WDR7: variants seen among roughly 807,000 people sequenced by gnomAD.
WDR7 encodes the protein WD repeat domain 7.
A neutral mutation model predicts 169.4 loss-of-function variants in WDR7; 46 were observed. The observed-to-expected ratio is 0.27, with a 90% CI of 0.21 to 0.35. WDR7 has a LOEUF of 0.35. WDR7 is among the 10% of genes least tolerant of loss of function. The pLI is 1.00. For synonymous variants in WDR7, 612 were observed against 666.8 expected, an observed-to-expected ratio of 0.92 and a Z score of 1.27; for missense variants, 1,534 against 1,859.3, an observed-to-expected ratio of 0.83 and a Z score of 3.22.
chr18:56,918,112 T>C (rs1202440153), intron 21 of WDR7, among the ~76,000 whole-genome samples: 1 of 152,188 alleles, frequency 6.6e-6, no homozygotes, highest in Non-Finnish European at 1.5e-5. Flanking sequence ...TATTTGTACA[T>C]TTGGCCTGAC....
intron 26 of WDR7, among the ~76,000 whole-genome samples, chr18:56,965,485 C>T (rs1423827870): frequency 6.7e-6 from 1 of 148,976 alleles, no homozygotes; most frequent in Non-Finnish European, 1.5e-5. Flanking sequence ...TATTCCCAAA[C>T]AGATTATGCA....
intron 25 of WDR7, among the ~76,000 whole-genome samples, chr18:56,940,103 G>A (rs548255975): frequency 1.3e-5 from 2 of 152,122 alleles, no homozygotes; most frequent in African/African-American, 2.4e-5. Context: ...TAATCTCCAT[G>A]CGGTCGTTAG....
At chr18:56,987,285 CAAAAAAAAAA>C (rs74182165) in intron 26 of WDR7, among the ~76,000 whole-genome samples, 2,586 of 75,274 alleles carry the variant, frequency 0.034, 102 homozygotes, top group African/African-American at 0.11. Context: ...TCATCTGTAC[CAAAAAAAAAA>C]AAAAAAAAAA....
chr18:56,877,585 G>A (rs1275131790), intron 20 of WDR7, among the ~76,000 whole-genome samples: 1 of 152,120 alleles, frequency 6.6e-6, no homozygotes, highest in Non-Finnish European at 1.5e-5. Flanking sequence ...TATGGACATG[G>A]ATATAAAAAA....
intron 20 of WDR7, among the ~76,000 whole-genome samples, chr18:56,859,022 T>C (rs1488018853): frequency 6.6e-6 from 1 of 152,142 alleles, no homozygotes; most frequent in African/African-American, 2.4e-5. Context: ...CAGGATAGGA[T>C]TCAACTTCTG....
chr18:56,987,992 A>G (rs1308601229), intron 26 of WDR7, among the ~76,000 whole-genome samples: 1 of 152,218 alleles, frequency 6.6e-6, no homozygotes, highest in Non-Finnish European at 1.5e-5. Flanking sequence ...AATGTAATTC[A>G]AATAATCTGG....
chr18:56,755,866 T>A lies in WDR7; in HGVS notation c.1990-717T>A, dbSNP rs572721644. ...AGAGGTGGCTTCTTATTCTTTCTTT[T>A]AGTTCTTTCTTTGTCTCTTTATTTT... On this transcript the variant is annotated intron_variant, in intron 14 of 27. Coordinates refer to ENST00000254442, the MANE Select transcript of WDR7 (RefSeq NM_015285.3). 7.9e-5 allele frequency among the ~76,000 whole-genome samples: 12 copies of A among 152,306 alleles called. No individual in the cohort carries two copies. In the South Asian group the frequency reaches 2.5e-3, roughly 32 times the overall value.
At chr18:56,809,052 C>T (rs2044824397) in intron 19 of WDR7, among the ~76,000 whole-genome samples, 2 of 152,076 alleles carry the variant, frequency 1.3e-5, no homozygotes. Context: ...CTTACTCATA[C>T]CAGCTTGCTG....
chr18:56,756,544 C>T lies in WDR7; in HGVS notation c.1990-39C>T, dbSNP rs776868908. 5.5e-6 allele frequency: 8 copies of T among 1,460,314 alleles called. No individual in the cohort carries two copies. The South Asian group carries it at 1.1e-4, about 20-fold the overall frequency. The allele number at this position is 1,460,314 out of a possible 1,614,324, so 90.5% of individuals were successfully genotyped here. A position where few individuals can be genotyped will look rare whatever the true frequency, so the allele number is the denominator to read the frequency against. On this transcript the variant is annotated intron_variant, in intron 14 of 27. Transcript: ENST00000254442. Reference sequence around the variant, plus strand: ...ATTAATGAATGTATGAAATTAAGCACTTTTAATTATAACTATCTTTTAAAA... The same window carrying T: ...ATTAATGAATGTATGAAATTAAGCATTTTTAATTATAACTATCTTTTAAAA...
chr18:56,730,375 G>C (rs2026556260), intron 13 of WDR7, among the ~76,000 whole-genome samples: 1 of 152,202 alleles, frequency 6.6e-6, no homozygotes, highest in East Asian at 1.9e-4. Flanking sequence ...GGGTGAAGGA[G>C]GTGGTGAAGC....
At chr18:56,681,493 G>A (rs2025349477) in intron 4 of WDR7, 102 bp downstream of exon 4, 2 of 718,024 alleles carry the variant, frequency 2.8e-6, no homozygotes, top group Non-Finnish European at 2.1e-6. Flanking sequence ...AAAAATGGTG[G>A]GTGGTAGTAA....
chr18:56,900,109 T>TAA (rs1250441792), intron 21 of WDR7, among the ~76,000 whole-genome samples: 1 of 147,832 alleles, frequency 6.8e-6, no homozygotes, highest in Non-Finnish European at 1.5e-5. Flanking sequence ...TATATATATA[T>TAA]AAAATTGTTA....
At chr18:56,987,120 C>T (rs2145846226) in intron 26 of WDR7, among the ~76,000 whole-genome samples, 1 of 152,138 alleles carries the variant, frequency 6.6e-6, no homozygotes, top group South Asian at 2.1e-4. Context: ...GTTTTGAGCG[C>T]TTCCACCTGA....
chr18:56,979,496 T>C (rs1454580580), intron 26 of WDR7, among the ~76,000 whole-genome samples: 1 of 152,208 alleles, frequency 6.6e-6, no homozygotes. Flanking sequence ...ATAAAATCGC[T>C]AATAGAAAAT....
At position 57,027,849 on chromosome 18, in the gene WDR7, C is replaced by T. The variant is rs1316261857; in HGVS notation, c.*642C>T. ...TTAATTATGTACACAAAAATATTTT[C>T]CTTGTAGAAAATAGTTTTCCAGACA... is the stretch of plus-strand genomic sequence containing the variant. On this transcript the variant is annotated 3_prime_UTR_variant, in exon 28 of 28. Coordinates refer to ENST00000254442, the MANE Select transcript of WDR7 (RefSeq NM_015285.3). The T allele has an allele frequency of 6.6e-6, 1 of 152,402 alleles. No individual in the cohort carries two copies. Among genetic ancestry groups the T allele is most frequent in the Non-Finnish European group, 1.5e-5 (1 of 68,138 alleles). The allele number at this position is 152,402 out of a possible 1,614,324, so 9.4% of individuals were successfully genotyped here. A position where few individuals can be genotyped will look rare whatever the true frequency, so the allele number is the denominator to read the frequency against.
At chr18:57,032,967 A>G (rs1444704739), downstream of WDR7, 1 of 151,672 alleles carries the variant, frequency 6.6e-6, no homozygotes, top group Non-Finnish European at 1.5e-5. Flanking sequence ...AGGTTGGGAA[A>G]TGATGCTCTA....
At chr18:56,870,162 G>A (rs2045934211) in intron 20 of WDR7, among the ~76,000 whole-genome samples, 1 of 152,124 alleles carries the variant, frequency 6.6e-6, no homozygotes, top group Non-Finnish European at 1.5e-5. Context: ...TAAAGCCAAA[G>A]TGTTTTAAAA....
intron 12 of WDR7, among the ~76,000 whole-genome samples, chr18:56,698,375 GA>G (rs1353900703): frequency 1.3e-5 from 2 of 152,158 alleles, no homozygotes; most frequent in Non-Finnish European, 2.9e-5. Context: ...GGGAGGCTGA[GA>G]GGGGCGGATC....
At chr18:56,898,576 A>G (rs1032462606) in intron 21 of WDR7, among the ~76,000 whole-genome samples, 4 of 152,142 alleles carry the variant, frequency 2.6e-5, no homozygotes, top group South Asian at 2.1e-4. Flanking sequence ...TTGCAAGGAC[A>G]TATCTGTGAT....
Sources: gnomAD v4.1 joint callset for allele counts (sites outside exome capture counted in the v4.1 genomes callset) on GRCh38, gnomAD v4.1.1 for gene constraint, MANE v1.5 for transcripts, NCBI Gene and HGNC (gene_info 2026-07-23, HGNC 2026-07-21) for gene names.